RBMS3: variants seen among roughly 807,000 people sequenced by gnomAD.
The protein encoded by RBMS3 is RNA-binding motif, single-stranded-interacting protein 3.
RBMS3 carries 27 observed loss-of-function variants against 66.8 expected under a neutral mutation model. The observed-to-expected ratio is 0.40, with a 90% CI of 0.30 to 0.56. The LOEUF (loss-of-function observed/expected upper bound fraction) is 0.56, where lower values mean the gene tolerates loss of function less well. RBMS3 is among the 20% of genes least tolerant of loss of function. RBMS3 has a pLI of 0.40. For synonymous variants in RBMS3, 188 were observed against 183.0 expected, an observed-to-expected ratio of 1.03 and a Z score of -0.22; for missense variants, 513 against 549.5, an observed-to-expected ratio of 0.93 and a Z score of 0.66.
At chr3:29,810,199 T>C (rs1285746751) in intron 6 of RBMS3, among the ~76,000 whole-genome samples, 1 of 152,062 alleles carries the variant, frequency 6.6e-6, no homozygotes, top group Non-Finnish European at 1.5e-5. Context: ...ATACTTTAGG[T>C]GGATAAGAAC....
intron 1 of RBMS3, among the ~76,000 whole-genome samples, chr3:29,421,391 G>T (rs567375224): frequency 8.2e-4 from 125 of 152,188 alleles, no homozygotes; most frequent in Middle Eastern, 3.4e-3. Context: ...CCCACAAAAT[G>T]TTCTTGCAGG....
At chr3:29,490,457 A>G (rs972119803) in intron 3 of RBMS3, among the ~76,000 whole-genome samples, 6 of 152,142 alleles carry the variant, frequency 3.9e-5, no homozygotes, top group African/African-American at 1.4e-4. Flanking sequence ...CCCTACATAC[A>G]TGTTGAGTCT....
chr3:29,759,302 A>G (rs1264994044), intron 5 of RBMS3, among the ~76,000 whole-genome samples: 2 of 152,200 alleles, frequency 1.3e-5, no homozygotes, highest in African/African-American at 4.8e-5. Context: ...AAGAATGTCA[A>G]ACAGGACCTT....
intron 4 of RBMS3, among the ~76,000 whole-genome samples, chr3:29,707,171 A>G (rs185444777): frequency 1.3e-5 from 2 of 152,306 alleles, no homozygotes; most frequent in Admixed American, 1.3e-4. Context: ...GTTCCTTTAT[A>G]TTCATATTTC....
intron 6 of RBMS3, among the ~76,000 whole-genome samples, chr3:29,774,104 A>T (rs1401795337): frequency 1.3e-5 from 2 of 152,078 alleles, no homozygotes; most frequent in African/African-American, 2.4e-5. Flanking sequence ...ATTTTCATTA[A>T]TGTTTTGAGT....
At chr3:29,381,214 A>G (rs1351548720) in intron 1 of RBMS3, among the ~76,000 whole-genome samples, 1 of 152,178 alleles carries the variant, frequency 6.6e-6, no homozygotes, top group Non-Finnish European at 1.5e-5. Flanking sequence ...TGGGTTCCAT[A>G]GTATGATAGT....
chr3:29,619,125 A>C (rs753461380), intron 4 of RBMS3, among the ~76,000 whole-genome samples: 4 of 152,124 alleles, frequency 2.6e-5, no homozygotes, highest in Non-Finnish European at 5.9e-5. Flanking sequence ...AGGGAGGGGA[A>C]AGGGAACAAC....
intron 1 of RBMS3, among the ~76,000 whole-genome samples, chr3:29,403,019 A>G (rs1226397178): frequency 6.6e-6 from 1 of 152,028 alleles, no homozygotes; most frequent in African/African-American, 2.4e-5. Flanking sequence ...AAAAAAAAGT[A>G]TAAGACGATC....
intron 1 of RBMS3, among the ~76,000 whole-genome samples, chr3:29,433,898 A>G (rs1027614081): frequency 2.0e-5 from 3 of 152,234 alleles, no homozygotes; most frequent in Admixed American, 6.5e-5. Flanking sequence ...GATTCCTACC[A>G]GCACCAGGGA....
intron 1 of RBMS3, among the ~76,000 whole-genome samples, chr3:29,398,334 G>A (rs191324405): frequency 3.1e-4 from 47 of 152,218 alleles, no homozygotes. Context: ...TTTGACTAGG[G>A]AGCAGGATGG....
At chr3:29,412,474 T>C (rs2040305403) in intron 1 of RBMS3, among the ~76,000 whole-genome samples, 2 of 152,180 alleles carry the variant, frequency 1.3e-5, no homozygotes, top group Non-Finnish European at 2.9e-5. Context: ...CATGTTTTCA[T>C]AGATACATAA....
intron 4 of RBMS3, among the ~76,000 whole-genome samples, chr3:29,723,679 T>A (rs1487988946): frequency 6.6e-6 from 1 of 152,160 alleles, no homozygotes; most frequent in Non-Finnish European, 1.5e-5. Context: ...TGGGTGCCAG[T>A]TCTGCCTTAG....
chr3:29,856,412 C>A (rs1577005753), intron 6 of RBMS3, among the ~76,000 whole-genome samples: 1 of 151,874 alleles, frequency 6.6e-6, no homozygotes, highest in East Asian at 1.9e-4. Context: ...AGGTCTCAGC[C>A]CTTTTTGAGA....
At chr3:29,824,977 A>G (rs529214354) in intron 6 of RBMS3, among the ~76,000 whole-genome samples, 11 of 152,130 alleles carry the variant, frequency 7.2e-5, no homozygotes, top group African/African-American at 2.6e-4. Flanking sequence ...GTAAATGAGG[A>G]CATTATTCAT....
chr3:29,579,013 G>A (rs1473972459), intron 3 of RBMS3, among the ~76,000 whole-genome samples: 1 of 147,816 alleles, frequency 6.8e-6, no homozygotes, highest in Non-Finnish European at 1.5e-5. Context: ...TTGTTAGCCA[G>A]GATGGTCTCG....
At chr3:29,666,960 C>T (rs920120676) in intron 4 of RBMS3, among the ~76,000 whole-genome samples, 3 of 152,036 alleles carry the variant, frequency 2.0e-5, no homozygotes, top group African/African-American at 4.8e-5. Context: ...CTTGCTACCA[C>T]CAAATAGGGC....
Position 29,997,427 on chromosome 3 carries a change from C to A in RBMS3, c.1307+6218C>A, listed in dbSNP as rs1232869444. Among the ~76,000 whole-genome samples, 3 of 149,352 alleles carry A rather than the reference C, an allele frequency of 2.0e-5. No individual in the cohort carries two copies. In the East Asian group the frequency reaches 5.9e-4, roughly 29 times the overall value. On this transcript the variant is annotated intron_variant, in intron 14 of 14. Transcript: ENST00000383767. ...TCCCTAACTCATTTTATGAGGGCAG[C>A]ATCATTCTGATACCAAAGCCGGGCA...
intron 5 of RBMS3, among the ~76,000 whole-genome samples, chr3:29,740,409 G>C (rs1024212913): frequency 3.9e-5 from 6 of 152,068 alleles, no homozygotes; most frequent in Non-Finnish European, 7.4e-5. Context: ...CATTTAAGAG[G>C]CCCTGGCTAT....
At chr3:29,933,760 C>A (rs549524858) in intron 10 of RBMS3, 3 of 152,212 alleles carry the variant, frequency 2.0e-5, no homozygotes, top group Admixed American at 2.0e-4. Context: ...TTGCTATTTA[C>A]AATTCCAATT....
Sources: allele counts gnomAD v4.1 joint callset (sites outside exome capture counted in the v4.1 genomes callset), GRCh38; gene constraint gnomAD v4.1.1; transcripts MANE v1.5; gene names NCBI Gene and HGNC (gene_info 2026-07-23, HGNC 2026-07-21).